The following CARD14 variants were observed in gnomAD, a reference collection of about 807,000 sequenced individuals.
CARD14 encodes the protein caspase recruitment domain family member 14.
A neutral mutation model predicts 111.5 loss-of-function variants in CARD14; 107 were observed. The ratio of observed to expected loss-of-function variants is 0.96; its 90% CI spans 0.82 to 1.13. The LOEUF (loss-of-function observed/expected upper bound fraction) is 1.13, where lower values mean the gene tolerates loss of function less well. CARD14 is among the 50% of genes most tolerant of loss of function. The pLI is 0.00. For synonymous variants in CARD14, 617 were observed against 579.6 expected (o/e 1.06, Z -0.93); for missense variants, 1,322 against 1,362.3 (o/e 0.97, Z 0.47).
intron 10 of CARD14, 148 bp from the exon 11 acceptor site, chr17:80,191,175 A>T (rs1190759350): frequency 1.9e-6 from 2 of 1,050,582 alleles, no homozygotes; most frequent in Non-Finnish European, 2.8e-6. Context: ...GTGAACACGA[A>T]TTGAAATGAA....
chr17:80,202,729 C>CT lies in CARD14; in HGVS notation c.2219+310dup, dbSNP rs1416300461. On this transcript the variant is annotated intron_variant, in intron 18 of 23. Coordinates refer to ENST00000648509, the MANE Select transcript of CARD14 (RefSeq NM_001366385.1). The stretch of plus-strand genomic sequence containing the variant: ...GTCTGTGGTGGGGCCGTCCTGGGCA[C>CT]TGCAGGATATAGAGCAGCATCCCTG... 1.0e-5 allele frequency: 7 copies of CT among 684,552 alleles called. No individual in the cohort carries two copies. The African/African-American group carries it at 1.1e-4, about 11-fold the overall frequency. The allele number at this position is 684,552 out of a possible 1,614,324, so 42.4% of individuals were successfully genotyped here.
rs1567878763 is a variant in CARD14 at position 80,189,760 on chromosome 17, A to G, written c.851A>G (p.Lys284Arg). 12 of 1,577,938 alleles carry G rather than the reference A, an allele frequency of 7.6e-6. No individual in the cohort carries two copies. In the East Asian group the frequency reaches 2.6e-4, roughly 35 times the overall value. ...GACCTCTCTCTGCCCCAGGCGGAGA[A>G]GGACATTCTGGAGCAGAGCCTGGAC... ...LRSLTFSLAEKDILEQSLDEA... is the reference protein window; with the variant it reads ...LRSLTFSLAERDILEQSLDEA... Residue 284 changes from lysine (K) to arginine (R), a missense_variant, in exon 9 of 24, where the codon AAG (lysine) becomes AGG (arginine). Physicochemically the swap from Lys to Arg is conservative, Grantham distance 26. Coordinates refer to ENST00000648509, the MANE Select transcript of CARD14 (RefSeq NM_001366385.1). The surrounding 1 kb of genome is among the most constrained non-coding windows in gnomAD (Gnocchi z 4.7).
chr17:80,183,833 T>A, intron 6 of CARD14, 80 bp from the exon 7 acceptor site: 1 of 1,168,884 alleles, frequency 8.6e-7, no homozygotes, highest in Non-Finnish European at 1.2e-6. Flanking sequence ...CCTGCCCACC[T>A]GCTCACCTGC....
chr17:80,175,218 T>C (rs1475275447), intron 2 of CARD14, among the ~76,000 whole-genome samples: 2 of 152,066 alleles, frequency 1.3e-5, no homozygotes, highest in Non-Finnish European at 2.9e-5. Context: ...GCTCAAGCGA[T>C]CTGCCTGCCT....
chr17:80,198,798 T>C lies in CARD14; in HGVS notation c.1851+207T>C. Reference sequence around the variant, plus strand: ...GCAGAACCCAGCATGTCACCCGTGGTGCTGCTGCCATGCGGCGCTTCTGAC... The same window carrying C: ...GCAGAACCCAGCATGTCACCCGTGGCGCTGCTGCCATGCGGCGCTTCTGAC... On this transcript the variant is annotated intron_variant, in intron 16 of 23. Transcript: ENST00000648509. This position sits in a 1 kb window ranked among gnomAD's most constrained non-coding sequence, Gnocchi z 7.5. The C allele has an allele frequency of 2.0e-6, 3 of 1,488,378 alleles. No homozygotes were observed. Among genetic ancestry groups the C allele is most frequent in the Non-Finnish European group, 2.7e-6 (3 of 1,124,942 alleles). The allele number at this position is 1,488,378 out of a possible 1,614,324, so 92.2% of individuals were successfully genotyped here.
In CARD14 at chr17:80,198,576, C is replaced by T. The variant is rs758753920; in HGVS notation, c.1836C>T (p.Gly612=). ...SAADQMALRP[G]TQIVMVDYEA... is the part of the protein sequence containing the mutation. Reference sequence around the variant, plus strand: ...CGGACCAGATGGCCTTGCGCCCGGGCACCCAGATTGTGATGGTGAGCCGTG... The same window carrying T: ...CGGACCAGATGGCCTTGCGCCCGGGTACCCAGATTGTGATGGTGAGCCGTG... The change falls in exon 16 of 24, where the codon GGC becomes GGT. Residue 612 remains glycine, a synonymous_variant. Transcript: ENST00000648509. The surrounding 1 kb of genome is among the most constrained non-coding windows in gnomAD (Gnocchi z 7.5). 1.1e-5 allele frequency: 17 copies of T among 1,612,342 alleles called. No homozygotes were observed. The highest frequency in any genetic ancestry group is 1.7e-5 in the Admixed American group (1 of 59,952).
chr17:80,171,340 C>T (rs1366583908), intron 1 of CARD14, among the ~76,000 whole-genome samples: 1 of 147,838 alleles, frequency 6.8e-6, no homozygotes, highest in Non-Finnish European at 1.5e-5. Flanking sequence ...TTTTTTTGAG[C>T]CAGGGTCTTG....
intron 7 of CARD14, among the ~76,000 whole-genome samples, chr17:80,186,157 C>T (rs1208597308): frequency 2.0e-5 from 3 of 152,202 alleles, no homozygotes; most frequent in South Asian, 2.1e-4. Flanking sequence ...GAATGACGAC[C>T]GTGCCAGTGC....
Position 80,204,208 on chromosome 17 carries a change from TTC to T in CARD14, c.2284-15_2284-14del. The T allele has an allele frequency of 6.4e-7, 1 of 1,570,902 alleles. No individual in the cohort carries two copies. The highest frequency in any genetic ancestry group is 2.3e-5 in the East Asian group (1 of 43,654). On this transcript the variant is annotated splice_polypyrimidine_tract_variant and intron_variant, in intron 19 of 23. Coordinates refer to ENST00000648509, the MANE Select transcript of CARD14 (RefSeq NM_001366385.1). The stretch of plus-strand genomic sequence containing the variant: ...GGCTTCAACAGCTCCTCCTCATCCT[TTC>T]TCTGTCCCTCCTTTAGCCATCTTCT...
At position 80,195,495 on chromosome 17, in the gene CARD14, G is replaced by T; in HGVS notation, c.1500-63G>T. The T allele has an allele frequency of 6.5e-7, 1 of 1,540,724 alleles. No individual in the cohort carries two copies. On this transcript the variant is annotated intron_variant, in intron 13 of 23. Transcript: ENST00000648509. The surrounding 1 kb of genome is among the most constrained non-coding windows in gnomAD (Gnocchi z 4.7). ...GCAGGTGCTGGGGGCCAGTGCTTGG[G>T]GCGTGGGGACTCAGAGGGAGCAGGT... is the stretch of plus-strand genomic sequence containing the variant.
At chr17:80,177,395 TA>T (rs1013284735) in intron 2 of CARD14, among the ~76,000 whole-genome samples, 15 of 151,352 alleles carry the variant, frequency 9.9e-5, no homozygotes, top group Admixed American at 2.0e-4. Context: ...CCTGGCTAAT[TA>T]AAAAAAAAAT....
chr17:80,207,771 A>G, intron 23 of CARD14: 1 of 245,152 alleles, frequency 4.1e-6, no homozygotes, highest in Non-Finnish European at 7.7e-6. Flanking sequence ...TCAGAGGACC[A>G]TTGTAAGGCC....
chr17:80,184,830 G>A (rs929750284), intron 7 of CARD14, among the ~76,000 whole-genome samples: 1 of 141,840 alleles, frequency 7.1e-6, no homozygotes, highest in Non-Finnish European at 1.5e-5. Context: ...CTGGACTCAG[G>A]CGGGATAGTT....
At chr17:80,181,751 T>C in intron 5 of CARD14, 102 bp downstream of exon 5, 1 of 1,078,434 alleles carries the variant, frequency 9.3e-7, no homozygotes, top group Non-Finnish European at 1.3e-6. Context: ...GTCCTGTCTC[T>C]TATAAAAACA....
At position 80,208,517 on chromosome 17, in the gene CARD14, A is replaced by T; in HGVS notation, c.*172A>T. The T allele has an allele frequency of 1.8e-6, 1 of 562,592 alleles. No homozygotes were observed. The highest frequency in any genetic ancestry group is 2.7e-5 in the South Asian group (1 of 37,120). The allele number at this position is 562,592 out of a possible 1,614,324, so 34.9% of individuals were successfully genotyped here. On this transcript the variant is annotated 3_prime_UTR_variant, in exon 24 of 24. Transcript: ENST00000648509. The stretch of plus-strand genomic sequence containing the variant: ...CCCTCACCACGTGCAGGTCACACAC[A>T]GTGAAGCCACTTGTAACTGCACACT...
chr17:80,208,474 C>A lies in CARD14; in HGVS notation c.*129C>A. On this transcript the variant is annotated 3_prime_UTR_variant, in exon 24 of 24. Transcript: ENST00000648509. ...ACATGAGGCCGGCTCTCCCCACTGG[C>A]TGGGGTCTAACCTTGAACCCTCACC... The A allele has an allele frequency of 1.2e-6, 1 of 847,326 alleles. No individual in the cohort carries two copies. The highest frequency in any genetic ancestry group is 1.8e-6 in the Non-Finnish European group (1 of 566,034). 52.5% of individuals were successfully genotyped at this position (847,326 alleles called of 1,614,324 possible).
intron 7 of CARD14, among the ~76,000 whole-genome samples, chr17:80,187,449 G>C (rs1032160956): frequency 2.0e-5 from 3 of 152,146 alleles, no homozygotes; most frequent in East Asian, 1.9e-4. Context: ...AATAGAATTC[G>C]GTTCATTTGT....
intron 12 of CARD14, among the ~76,000 whole-genome samples, chr17:80,194,480 C>G (rs916827348): frequency 2.6e-5 from 4 of 152,212 alleles, no homozygotes; most frequent in African/African-American, 9.6e-5. Context: ...GTGCGGCCTC[C>G]CCTCCCTAGT....
In CARD14 at chr17:80,208,129, C is replaced by T; in HGVS notation, c.2808-9C>T. 6.6e-7 allele frequency: 1 copy of T among 1,516,956 alleles called. No homozygotes were observed. Among genetic ancestry groups the T allele is most frequent in the Non-Finnish European group, 8.9e-7 (1 of 1,123,766 alleles). The allele number at this position is 1,516,956 out of a possible 1,614,324, so 94.0% of individuals were successfully genotyped here. On this transcript the variant is annotated splice_polypyrimidine_tract_variant and intron_variant, in intron 23 of 23. Transcript: ENST00000648509. ...CTGAGCCCGCCCCCCCCAACTCTGG[C>T]CTGTGCAGGAAGGGCCTACAGCGGT...
Sources: gnomAD v4.1 joint callset for allele counts (sites outside exome capture counted in the v4.1 genomes callset) on GRCh38, gnomAD v4.1.1 for gene constraint, Gnocchi (gnomAD v3.1) non-coding constraint, MANE v1.5 for transcripts, NCBI Gene and HGNC (gene_info 2026-07-23, HGNC 2026-07-21) for gene names.